The following DNER variants were observed in gnomAD, a reference collection of about 807,000 sequenced individuals.
DNER encodes the protein delta/notch like EGF repeat containing.
DNER carries 33 observed loss-of-function variants against 78.2 expected under a neutral mutation model. The observed-to-expected ratio is 0.42, with a 90% CI of 0.32 to 0.56. DNER has a LOEUF of 0.56. DNER is among the 20% of genes least tolerant of loss of function. The pLI is 0.11. For synonymous variants in DNER, 417 were observed against 384.8 expected, an observed-to-expected ratio of 1.08 and a Z score of -0.98; for missense variants, 918 against 975.3, an observed-to-expected ratio of 0.94 and a Z score of 0.78.
chr2:229,570,188 T>C (rs562763402), intron 4 of DNER, among the ~76,000 whole-genome samples: 2 of 152,366 alleles, frequency 1.3e-5, no homozygotes, highest in Admixed American at 1.3e-4. Context: ...ACCGAATTTA[T>C]TCAGTAAACA....
At chr2:229,569,248 C>A (rs1435133505) in intron 4 of DNER, among the ~76,000 whole-genome samples, 4 of 152,176 alleles carry the variant, frequency 2.6e-5, no homozygotes, top group Non-Finnish European at 4.4e-5. Flanking sequence ...ATAGGCTGAG[C>A]GCAGTTGCTC....
intron 1 of DNER, among the ~76,000 whole-genome samples, chr2:229,694,254 T>A (rs1457015207): frequency 6.6e-6 from 1 of 152,156 alleles, no homozygotes; most frequent in Non-Finnish European, 1.5e-5. Context: ...CAGGCAGAGG[T>A]TTGCTGCAGG....
intron 1 of DNER, among the ~76,000 whole-genome samples, chr2:229,635,385 A>AAAAAAAAAAAAAAT (rs1553547034): frequency 6.9e-6 from 1 of 145,756 alleles, no homozygotes; most frequent in African/African-American, 2.5e-5. Flanking sequence ...AAAAAAAAAA[A>AAAAAAAAAAAAAAT]CTCCCATATT....
chr2:229,588,254 C>CT (rs1697535875), intron 3 of DNER, 140 bp downstream of exon 3: 31 of 695,458 alleles, frequency 4.5e-5, no homozygotes, highest in Non-Finnish European at 1.4e-5. Context: ...TTTCAAATGG[C>CT]AGGGGCCACA....
In DNER at chr2:229,496,206, CT is replaced by C. The variant is rs1257318115; in HGVS notation, c.1147+16576del. Among the ~76,000 whole-genome samples, 30 of 152,258 alleles carry C rather than the reference CT, an allele frequency of 2.0e-4. No individual in the cohort carries two copies. The East Asian group carries it at 5.4e-3, about 27-fold the overall frequency. On this transcript the variant is annotated intron_variant, in intron 6 of 12. Transcript: ENST00000341772. ...AATTGATGCGGATGACAATCCCTTTCTTTTTGAAAGTATTGTGAGAAAGTTT... is the reference window on the plus strand; with the variant it reads ...AATTGATGCGGATGACAATCCCTTTCTTTTGAAAGTATTGTGAGAAAGTTT...
intron 11 of DNER, among the ~76,000 whole-genome samples, chr2:229,372,213 T>C (rs943996762): frequency 6.6e-6 from 1 of 152,222 alleles, no homozygotes; most frequent in Non-Finnish European, 1.5e-5. Flanking sequence ...CCCAGTTTTC[T>C]GAGGGATGCA....
intron 12 of DNER, 119 bp from the exon 13 acceptor site, chr2:229,358,770 T>C: frequency 1.3e-6 from 1 of 788,770 alleles, no homozygotes; most frequent in Non-Finnish European, 2.0e-6. Flanking sequence ...ACATATTCTA[T>C]AGCAAGCATA....
intron 5 of DNER, among the ~76,000 whole-genome samples, chr2:229,535,259 G>A (rs1696379795): frequency 6.6e-6 from 1 of 152,214 alleles, no homozygotes; most frequent in African/African-American, 2.4e-5. Flanking sequence ...AGACCAAAAT[G>A]TCTGAAAACC....
intron 4 of DNER, among the ~76,000 whole-genome samples, chr2:229,554,955 G>GGAAGGGAAGC (rs1264135887): frequency 1.6e-5 from 2 of 127,210 alleles, no homozygotes; most frequent in South Asian, 5.8e-4. Context: ...GGAAGGGAAG[G>GGAAGGGAAGC]GAAGGGAAGG....
At chr2:229,595,928 G>T (rs575465204) in intron 1 of DNER, among the ~76,000 whole-genome samples, 1 of 151,962 alleles carries the variant, frequency 6.6e-6, no homozygotes, top group Non-Finnish European at 1.5e-5. Context: ...GAGTATGTGT[G>T]CAGGTTTGTT....
intron 1 of DNER, among the ~76,000 whole-genome samples, chr2:229,675,284 T>C (rs185961348): frequency 3.9e-5 from 6 of 152,320 alleles, no homozygotes; most frequent in Admixed American, 3.3e-4. Flanking sequence ...CTGCCGATGA[T>C]GTCAGGATGA....
At chr2:229,548,394 G>A (rs190505514) in intron 4 of DNER, among the ~76,000 whole-genome samples, 4,483 of 152,174 alleles carry the variant, frequency 0.029, 193 homozygotes, top group African/African-American at 0.094. Flanking sequence ...CATATACACC[G>A]TGGAATACCA....
At chr2:229,536,210 G>A (rs1383136258) in intron 5 of DNER, among the ~76,000 whole-genome samples, 3 of 152,212 alleles carry the variant, frequency 2.0e-5, no homozygotes, top group Non-Finnish European at 4.4e-5. Context: ...AGGCTGAGGA[G>A]GTTGGAAATG....
Position 229,711,094 on chromosome 2 carries a change from A to G in DNER, c.276+3054T>C, listed in dbSNP as rs114637758. On this transcript the variant is annotated intron_variant, in intron 1 of 12. Transcript: ENST00000341772. Reference sequence around the variant, plus strand: ...GCAGGCAGCTCCCAAATGGGTTTAAATGGCTTCTGAGAACAGGGAAAGGAG... The same window carrying G: ...GCAGGCAGCTCCCAAATGGGTTTAAGTGGCTTCTGAGAACAGGGAAAGGAG... Among the ~76,000 whole-genome samples the G allele has an allele frequency of 9.1e-3, 1,386 of 152,112 alleles. 21 individuals are homozygous for G. The highest frequency in any genetic ancestry group is 0.032 in the African/African-American group (1,316 of 41,478).
chr2:229,623,558 G>C (rs574992151), intron 1 of DNER, among the ~76,000 whole-genome samples: 1 of 152,178 alleles, frequency 6.6e-6, no homozygotes. Flanking sequence ...CTGGGAGCCC[G>C]AGAAGGCAGG....
chr2:229,578,135 G>A (rs151173767), intron 4 of DNER, among the ~76,000 whole-genome samples: 23 of 152,268 alleles, frequency 1.5e-4, no homozygotes, highest in Middle Eastern at 3.4e-3. Context: ...GCATCTCCCC[G>A]TGGGCTTTTC....
chr2:229,588,263 C>A (rs1435111259), intron 3 of DNER, 131 bp downstream of exon 3: 35 of 755,718 alleles, frequency 4.6e-5, no homozygotes, highest in Non-Finnish European at 1.3e-5. Context: ...GCAGGGGCCA[C>A]ATCTACCCGT....
At chr2:229,420,513 G>A (rs1405379016) in intron 8 of DNER, among the ~76,000 whole-genome samples, 2 of 152,072 alleles carry the variant, frequency 1.3e-5, no homozygotes, top group Non-Finnish European at 2.9e-5. Flanking sequence ...ATGTTATGAA[G>A]TTTTTCCCCT....
intron 1 of DNER, among the ~76,000 whole-genome samples, chr2:229,649,941 G>A (rs368109624): frequency 1.3e-5 from 2 of 152,088 alleles, no homozygotes; most frequent in African/African-American, 2.4e-5. Flanking sequence ...CGGGCGTGGT[G>A]GCAGCCACCT....
Sources: gnomAD v4.1 joint callset for allele counts (sites outside exome capture counted in the v4.1 genomes callset) on GRCh38, gnomAD v4.1.1 for gene constraint, MANE v1.5 for transcripts, NCBI Gene and HGNC (gene_info 2026-07-23, HGNC 2026-07-21) for gene names.